The following SGCD variants were observed in gnomAD, a reference collection of about 807,000 sequenced individuals.
The protein encoded by SGCD is delta-sarcoglycan.
A neutral mutation model predicts 36.6 loss-of-function variants in SGCD; 18 were observed. The ratio of observed to expected loss-of-function variants is 0.49; its 90% CI spans 0.34 to 0.73. SGCD has a LOEUF of 0.73. Among genes scored for constraint, SGCD ranks in the 30% least tolerant of loss-of-function variants. The pLI is 0.01. For missense variants in SGCD, 387 were observed against 346.7 expected, an observed-to-expected ratio of 1.12 and a Z score of -0.92; for synonymous variants, 133 against 130.6, an observed-to-expected ratio of 1.02 and a Z score of -0.12.
intron 2 of SGCD, among the ~76,000 whole-genome samples, chr5:156,330,704 A>G (rs1768029052): frequency 6.6e-6 from 1 of 152,142 alleles, no homozygotes; most frequent in Non-Finnish European, 1.5e-5. Flanking sequence ...CATGGTGAGG[A>G]CTTCATACAT....
At chr5:156,475,145 A>G (rs1056765054) in intron 3 of SGCD, among the ~76,000 whole-genome samples, 1 of 152,222 alleles carries the variant, frequency 6.6e-6, no homozygotes, top group Admixed American at 6.5e-5. Flanking sequence ...TACCAACAGT[A>G]TGTTGGCACA....
chr5:156,534,311 C>G (rs905964287), intron 4 of SGCD, among the ~76,000 whole-genome samples: 8 of 152,108 alleles, frequency 5.3e-5, no homozygotes, highest in Non-Finnish European at 1.0e-4. Context: ...TCCATGTGTT[C>G]ACAGTCTTAG....
At chr5:156,031,522 A>T (rs1327918028) in intron 1 of SGCD, among the ~76,000 whole-genome samples, 1 of 152,164 alleles carries the variant, frequency 6.6e-6, no homozygotes, top group African/African-American at 2.4e-5. Flanking sequence ...CTAGGAGGTT[A>T]TTGTAAGGTT....
chr5:156,534,585 A>G (rs1758019894), intron 4 of SGCD, among the ~76,000 whole-genome samples: 1 of 152,180 alleles, frequency 6.6e-6, no homozygotes, highest in Non-Finnish European at 1.5e-5. Context: ...CTTCCTTCCC[A>G]TGGGAAGACT....
chr5:156,262,041 G>A (rs573837516), intron 3 of SGCD, among the ~76,000 whole-genome samples: 7 of 152,104 alleles, frequency 4.6e-5, no homozygotes, highest in Admixed American at 1.3e-4. Context: ...TTGACAGTAA[G>A]CTAAGTTTAA....
intron 6 of SGCD, among the ~76,000 whole-genome samples, chr5:156,636,776 G>T (rs1293371512): frequency 2.6e-5 from 4 of 152,148 alleles, no homozygotes; most frequent in African/African-American, 2.4e-5. Flanking sequence ...TCACTAAAAA[G>T]TGATTTTTAA....
intron 3 of SGCD, among the ~76,000 whole-genome samples, chr5:156,475,794 C>G (rs973450425): frequency 7.2e-5 from 11 of 152,120 alleles, no homozygotes; most frequent in Non-Finnish European, 1.5e-4. Context: ...TATTAGAATA[C>G]TAGAGGATCA....
intron 1 of SGCD, among the ~76,000 whole-genome samples, chr5:156,091,234 A>G (rs1167478975): frequency 1.3e-5 from 2 of 152,212 alleles, no homozygotes; most frequent in African/African-American, 2.4e-5. Context: ...AAATTATAAA[A>G]GTTTTAATTT....
chr5:155,757,680 G>A, the SGCD span, among the ~76,000 whole-genome samples: 1 of 152,276 alleles, frequency 6.6e-6, no homozygotes, highest in Middle Eastern at 3.4e-3. Context: ...TGTTGGGTGG[G>A]TCCTCTTCAG....
At chr5:156,163,319 T>G (rs1191180796) in intron 3 of SGCD, among the ~76,000 whole-genome samples, 1 of 151,440 alleles carries the variant, frequency 6.6e-6, no homozygotes, top group Non-Finnish European at 1.5e-5. Context: ...AGAGTCAAGT[T>G]TTGAGGAACC....
chr5:156,131,730 T>C (rs1207269858), intron 3 of SGCD, among the ~76,000 whole-genome samples: 3 of 152,218 alleles, frequency 2.0e-5, no homozygotes, highest in Admixed American at 6.5e-5. Flanking sequence ...TAGGAAATTG[T>C]GTTGAGGAAA....
At chr5:156,603,237 C>T (rs73299154) in intron 6 of SGCD, among the ~76,000 whole-genome samples, 4,732 of 152,074 alleles carry the variant, frequency 0.031, 252 homozygotes, top group African/African-American at 0.11. Flanking sequence ...GATAGATATT[C>T]ATATAGATAC....
intron 4 of SGCD, among the ~76,000 whole-genome samples, chr5:156,580,265 T>C (rs1760193614): frequency 6.6e-6 from 1 of 152,250 alleles, no homozygotes; most frequent in Admixed American, 6.5e-5. Flanking sequence ...GGCTTGCAGA[T>C]CTTCTGCTGA....
At chr5:156,727,155 A>T (rs1755820477) in intron 7 of SGCD, among the ~76,000 whole-genome samples, 1 of 152,174 alleles carries the variant, frequency 6.6e-6, no homozygotes, top group Non-Finnish European at 1.5e-5. Flanking sequence ...ATGTACAGCC[A>T]AGTAGCAGGG....
intron 1 of SGCD, among the ~76,000 whole-genome samples, chr5:155,947,348 G>GT (rs148620197): frequency 2.0e-4 from 26 of 129,770 alleles, no homozygotes; most frequent in Non-Finnish European, 3.1e-4. Context: ...TAATGTTTTG[G>GT]TTTTTTTTTT....
intron 7 of SGCD, among the ~76,000 whole-genome samples, chr5:156,698,573 C>T (rs1252222573): frequency 6.6e-6 from 1 of 152,164 alleles, no homozygotes; most frequent in African/African-American, 2.4e-5. Context: ...TCGGCTTGTG[C>T]TCTGTGCATC....
At chr5:155,782,627 G>C in the SGCD span, among the ~76,000 whole-genome samples, 2,013 of 152,240 alleles carry the variant, frequency 0.013, 38 homozygotes, top group African/African-American at 0.045. Context: ...CTAAAACCCA[G>C]ACTGTAGAAT....
At chr5:155,849,269 A>G in the SGCD span, among the ~76,000 whole-genome samples, 1 of 152,200 alleles carries the variant, frequency 6.6e-6, no homozygotes, top group Non-Finnish European at 1.5e-5. Flanking sequence ...CTATCAGAAC[A>G]TAACCTATAA....
At chr5:155,812,715 G>A in the SGCD span, among the ~76,000 whole-genome samples, 5 of 152,066 alleles carry the variant, frequency 3.3e-5, no homozygotes, top group Non-Finnish European at 4.4e-5. Context: ...GAGTCCAATC[G>A]CCAATGCAGA....
Sources: allele counts gnomAD v4.1 joint callset (sites outside exome capture counted in the v4.1 genomes callset), GRCh38; gene constraint gnomAD v4.1.1; transcripts MANE v1.5; gene names NCBI Gene and HGNC (gene_info 2026-07-23, HGNC 2026-07-21).